Variants in WDR88 observed in about 807,000 individuals in gnomAD.
WDR88 encodes the protein WD repeat-containing protein 88.
WDR88 carries 40 observed loss-of-function variants against 46.8 expected under a neutral mutation model. The observed-to-expected ratio is 0.86, with a 90% CI of 0.66 to 1.11. The LOEUF is 1.11. WDR88 is among the 50% of genes most tolerant of loss of function. The probability of loss-of-function intolerance (pLI) is 0.00; values close to 1 mark genes in which losing one functional copy is unlikely to be tolerated. For synonymous variants in WDR88, 235 were observed against 240.7 expected (o/e 0.98, Z 0.22); for missense variants, 562 against 602.4 (o/e 0.93, Z 0.70).
At chr19:33,168,068 C>T (rs1403702743) in intron 9 of WDR88, among the ~76,000 whole-genome samples, 1 of 149,688 alleles carries the variant, frequency 6.7e-6, no homozygotes, top group Non-Finnish European at 1.5e-5. Flanking sequence ...TGCTCTGTCA[C>T]CCAGGCTGGC....
intron 9 of WDR88, among the ~76,000 whole-genome samples, chr19:33,170,371 G>A (rs888905751): frequency 2.4e-4 from 36 of 151,930 alleles, no homozygotes; most frequent in South Asian, 4.1e-4. Context: ...GCGGAGGCGG[G>A]GTTTTCCCAT....
At chr19:33,151,640 GA>G (rs759667922) in intron 6 of WDR88, among the ~76,000 whole-genome samples, 10 of 152,160 alleles carry the variant, frequency 6.6e-5, no homozygotes, top group Non-Finnish European at 1.5e-4. Flanking sequence ...AGAGCTTTGG[GA>G]GGCCAAAGTG....
chr19:33,158,207 G>C (rs1187180930), intron 7 of WDR88, among the ~76,000 whole-genome samples: 1 of 152,102 alleles, frequency 6.6e-6, no homozygotes, highest in Non-Finnish European at 1.5e-5. Flanking sequence ...GGGGGCCTCA[G>C]CTGGCACACA....
At chr19:33,135,181 GAGTACTGTACTCCCC>G in intron 1 of WDR88, among the ~76,000 whole-genome samples, 1 of 151,946 alleles carries the variant, frequency 6.6e-6, no homozygotes. Flanking sequence ...AGGGTATTCA[GAGTACTGTACTCCCC>G]AGTTCCCCAA....
At chr19:33,158,247 AGGGTGCTTCT>A (rs1973799967) in intron 7 of WDR88, among the ~76,000 whole-genome samples, 1 of 152,132 alleles carries the variant, frequency 6.6e-6, no homozygotes, top group East Asian at 1.9e-4. Context: ...GAGAAGCACT[AGGGTGCTTCT>A]GGGCAACTTT....
intron 7 of WDR88, among the ~76,000 whole-genome samples, chr19:33,158,986 C>T (rs1391217425): frequency 6.6e-6 from 1 of 152,132 alleles, no homozygotes; most frequent in African/African-American, 2.4e-5. Context: ...AGACGTGAGC[C>T]ACCACACCTG....
rs376119374 is a variant in WDR88, at chr19:33,147,614, C to T, written c.477-31C>T. ...AGACACCCTGTCTCAAAAAAAAGAA[C>T]CAGTGTTCGTCATCGTCATCTTATT... On this transcript the variant is annotated intron_variant, in intron 3 of 10. Transcript: ENST00000355868. 9.4e-5 allele frequency: 152 copies of T among 1,609,682 alleles called. No homozygotes were observed. In the African/African-American group the frequency reaches 1.9e-3, roughly 20 times the overall value.
In WDR88 at chr19:33,160,437, T is replaced by C. The variant is rs2145408600; in HGVS notation, c.1021T>C (p.Phe341Leu). ...RDSSFLISGG[F>L]DRTVAIWDVA... ...AGGCTCTTTTCTCATTTCTGGAGGG[T>C]TTGATAGGACTGTGGCTATTTGGGA... The change falls in exon 8 of 11, where the codon TTT becomes CTT. Residue 341 changes from phenylalanine (F) to leucine (L), a missense_variant. Physicochemically the swap from Phe to Leu is conservative, Grantham distance 22. Transcript: ENST00000355868. 1 of 1,614,076 alleles carries C rather than the reference T, an allele frequency of 6.2e-7. No homozygotes were observed.
intron 1 of WDR88, among the ~76,000 whole-genome samples, chr19:33,136,634 C>A (rs1973272682): frequency 1.3e-5 from 2 of 152,002 alleles, no homozygotes; most frequent in Non-Finnish European, 1.5e-5. Flanking sequence ...ATGATCATAG[C>A]TCATTGTAAC....
intron 8 of WDR88, 79 bp from the exon 9 acceptor site, chr19:33,164,118 C>T: frequency 4.4e-6 from 6 of 1,364,766 alleles, no homozygotes; most frequent in East Asian, 2.3e-5. Flanking sequence ...CAGGTGTGAG[C>T]CACTACACCC....
intron 9 of WDR88, among the ~76,000 whole-genome samples, chr19:33,168,066 C>T (rs1428933792): frequency 6.7e-6 from 1 of 149,652 alleles, no homozygotes; most frequent in Non-Finnish European, 1.5e-5. Flanking sequence ...CTTGCTCTGT[C>T]ACCCAGGCTG....
rs773480618 is a variant in WDR88 at position 33,132,196 on chromosome 19, G to A, written c.27G>A (p.Pro9=). 10 of 1,603,166 alleles carry A rather than the reference G, an allele frequency of 6.2e-6. No individual in the cohort carries two copies. In the South Asian group the frequency reaches 8.8e-5, roughly 14 times the overall value. Residue 9 remains proline, a synonymous_variant, in exon 1 of 11, where the codon CCG becomes CCA. Transcript: ENST00000355868. ...TGGCCTCCCCGCCGCGGTGCTCCCC[G>A]ACAGCCCATGACAGGGAATGCAAGT... MASPPRCS[P]TAHDRECKLP...
At chr19:33,138,654 CTT>C (rs553965306) in intron 2 of WDR88, among the ~76,000 whole-genome samples, 1 of 139,646 alleles carries the variant, frequency 7.2e-6, no homozygotes, top group African/African-American at 2.6e-5. Context: ...GCCCCCACAC[CTT>C]TTTTTTTTTT....
At chr19:33,164,463 A>G (rs555853752) in intron 9 of WDR88, among the ~76,000 whole-genome samples, 198 bp downstream of exon 9, 3 of 152,346 alleles carry the variant, frequency 2.0e-5, no homozygotes, top group East Asian at 3.9e-4. Flanking sequence ...GTTTCCAGGT[A>G]TTTCTGTGTC....
At chr19:33,137,042 C>T (rs559213541) in intron 1 of WDR88, among the ~76,000 whole-genome samples, 38 of 148,692 alleles carry the variant, frequency 2.6e-4, no homozygotes, top group Admixed American at 6.0e-4. Context: ...GTAGTCCTCC[C>T]GCCTCAGCCT....
At chr19:33,133,196 T>TAG (rs1215009794) in intron 1 of WDR88, among the ~76,000 whole-genome samples, 14 of 61,808 alleles carry the variant, frequency 2.3e-4, no homozygotes, top group Non-Finnish European at 6.0e-4. Flanking sequence ...AATAAATAAA[T>TAG]ATAGAGAGAG....
At chr19:33,150,390 A>G (rs954630261) in intron 5 of WDR88, among the ~76,000 whole-genome samples, 2 of 152,240 alleles carry the variant, frequency 1.3e-5, no homozygotes, top group Admixed American at 6.5e-5. Context: ...TGGAGGTTGC[A>G]GTGAGCCGAA....
intron 6 of WDR88, among the ~76,000 whole-genome samples, chr19:33,154,840 G>A (rs1347626768): frequency 6.6e-6 from 1 of 152,132 alleles, no homozygotes; most frequent in Non-Finnish European, 1.5e-5. Context: ...TATCCCGGAT[G>A]GCCCTGCGAA....
chr19:33,168,873 G>A (rs918493901), intron 9 of WDR88, among the ~76,000 whole-genome samples: 14 of 152,164 alleles, frequency 9.2e-5, no homozygotes, highest in African/African-American at 3.4e-4. Context: ...GTTACTACAA[G>A]TCTACAGTAA....
Sources: gnomAD v4.1 joint callset for allele counts (sites outside exome capture counted in the v4.1 genomes callset) on GRCh38, gnomAD v4.1.1 for gene constraint, MANE v1.5 for transcripts, NCBI Gene and HGNC (gene_info 2026-07-23, HGNC 2026-07-21) for gene names.